The following SORCS2 variants were observed in gnomAD, a reference collection of about 807,000 sequenced individuals.
SORCS2 encodes the protein sortilin related VPS10 domain containing receptor 2, also known as VPS10 domain-containing receptor SorCS2.
In SORCS2, 100 loss-of-function variants were observed where a neutral mutation model predicts 141.6. The ratio of observed to expected loss-of-function variants is 0.71; its 90% CI spans 0.60 to 0.83. SORCS2 has a LOEUF of 0.83. SORCS2 is among the 40% of genes least tolerant of loss of function. The probability of loss-of-function intolerance (pLI) is 0.00; values close to 1 mark genes in which losing one functional copy is unlikely to be tolerated. For synonymous variants in SORCS2, 789 were observed against 676.9 expected (o/e 1.17, Z -2.57); for missense variants, 1,646 against 1,560.2 (o/e 1.05, Z -0.93).
In SORCS2 at chr4:7,515,686, C is replaced by A. The variant is rs542576354; in HGVS notation, c.549-15844C>A. On this transcript the variant is annotated intron_variant, in intron 2 of 26. Transcript: ENST00000507866. ...TTGCTTTTCTCTCCAGCAGCATTCA[C>A]GGACCAGTTTCTGCTGCATGCAAGG... Among the ~76,000 whole-genome samples, 67 of 152,242 alleles carry A rather than the reference C, an allele frequency of 4.4e-4. No homozygotes were observed. The South Asian group carries it at 9.5e-3, about 22-fold the overall frequency.
intron 2 of SORCS2, among the ~76,000 whole-genome samples, chr4:7,467,520 C>T (rs1729692308): frequency 6.6e-6 from 1 of 152,194 alleles, no homozygotes; most frequent in African/African-American, 2.4e-5. Flanking sequence ...AGTCAGAGGG[C>T]AGCTGGGCTG....
chr4:7,691,090 C>T (rs557604287), intron 11 of SORCS2, among the ~76,000 whole-genome samples: 44 of 152,306 alleles, frequency 2.9e-4, no homozygotes, highest in Non-Finnish European at 5.9e-4. Context: ...AGGCACAGGC[C>T]CAGAGTTCAC....
At chr4:7,378,585 G>A (rs574588374) in intron 1 of SORCS2, among the ~76,000 whole-genome samples, 82 of 152,254 alleles carry the variant, frequency 5.4e-4, no homozygotes, top group African/African-American at 1.6e-3. Flanking sequence ...ATCCACCCCC[G>A]TGATTCAATT....
chr4:7,521,445 T>C (rs1217842583), intron 2 of SORCS2, among the ~76,000 whole-genome samples: 3 of 152,190 alleles, frequency 2.0e-5, no homozygotes, highest in African/African-American at 7.2e-5. Flanking sequence ...TTCTGGAATT[T>C]TATTGAACAA....
chr4:7,327,745 C>G (rs1470617334), intron 1 of SORCS2, among the ~76,000 whole-genome samples: 1 of 152,232 alleles, frequency 6.6e-6, no homozygotes, highest in Non-Finnish European at 1.5e-5. Flanking sequence ...CTCTCTGTGG[C>G]TTCCCCAAGA....
chr4:7,350,128 G>A (rs892761594), intron 1 of SORCS2, among the ~76,000 whole-genome samples: 2 of 152,190 alleles, frequency 1.3e-5, no homozygotes, highest in Non-Finnish European at 2.9e-5. Context: ...TGTTGTAAAT[G>A]GACACGACTC....
At position 7,343,363 on chromosome 4, in the gene SORCS2, A is replaced by C. The variant is rs140020766; in HGVS notation, c.481-52925A>C. Among the ~76,000 whole-genome samples, 131 of 152,314 alleles carry C rather than the reference A, an allele frequency of 8.6e-4. 1 individual carries two copies. The East Asian group carries it at 0.023, about 26-fold the overall frequency. On this transcript the variant is annotated intron_variant, in intron 1 of 26. Transcript: ENST00000507866. ...CCTGACCACTCGCTCAGTGAGTGAC[A>C]CCGGGCAAAGCCGATGACATGTCTG... is the stretch of plus-strand genomic sequence containing the variant.
At chr4:7,649,265 A>C (rs1721279223) in intron 4 of SORCS2, among the ~76,000 whole-genome samples, 1 of 146,982 alleles carries the variant, frequency 6.8e-6, no homozygotes, top group Non-Finnish European at 1.5e-5. Context: ...TTAGTGCCAC[A>C]TGTGTGAGTG....
intron 3 of SORCS2, among the ~76,000 whole-genome samples, chr4:7,612,382 C>T (rs1241412438): frequency 1.3e-5 from 2 of 152,184 alleles, no homozygotes; most frequent in African/African-American, 2.4e-5. Flanking sequence ...GGCACCCTGC[C>T]GTGCCCTCCG....
intron 1 of SORCS2, among the ~76,000 whole-genome samples, chr4:7,275,056 T>C (rs1364344733): frequency 6.6e-6 from 1 of 152,252 alleles, no homozygotes; most frequent in Admixed American, 6.5e-5. Flanking sequence ...TTGCCTTTTC[T>C]GTTAATGATT....
intron 3 of SORCS2, among the ~76,000 whole-genome samples, chr4:7,608,269 C>T (rs1306735557): frequency 6.6e-6 from 1 of 152,190 alleles, no homozygotes; most frequent in Non-Finnish European, 1.5e-5. Flanking sequence ...TGATAAGGTT[C>T]AATTGCCACT....
chr4:7,506,009 G>A (rs1181358026), intron 2 of SORCS2, among the ~76,000 whole-genome samples: 2 of 152,116 alleles, frequency 1.3e-5, no homozygotes, highest in East Asian at 1.9e-4. Context: ...CAGGGGGAAC[G>A]CATAGCCGTG....
At chr4:7,525,983 A>AGT (rs1472719410) in intron 2 of SORCS2, among the ~76,000 whole-genome samples, 8 of 91,596 alleles carry the variant, frequency 8.7e-5, no homozygotes, top group East Asian at 3.2e-4. Flanking sequence ...TCCCCTCCTC[A>AGT]CACCTGTCCC....
intron 5 of SORCS2, among the ~76,000 whole-genome samples, chr4:7,657,425 C>T (rs939969421): frequency 6.0e-5 from 9 of 150,800 alleles, no homozygotes; most frequent in Admixed American, 4.0e-4. Context: ...AGGGAATGAA[C>T]GAGTGAATGA....
chr4:7,345,746 A>G (rs1027903486), intron 1 of SORCS2, among the ~76,000 whole-genome samples: 2 of 152,176 alleles, frequency 1.3e-5, no homozygotes, highest in Non-Finnish European at 2.9e-5. Context: ...GCGAAGCTCA[A>G]AAGATCTTTG....
intron 2 of SORCS2, among the ~76,000 whole-genome samples, chr4:7,494,355 T>G (rs1355584717): frequency 2.0e-5 from 3 of 152,200 alleles, no homozygotes; most frequent in Non-Finnish European, 4.4e-5. Flanking sequence ...GCTTAGTCCA[T>G]GTGAGCTGCT....
intron 2 of SORCS2, among the ~76,000 whole-genome samples, chr4:7,447,810 C>T (rs1728095705): frequency 1.3e-5 from 2 of 152,132 alleles, no homozygotes; most frequent in Non-Finnish European, 2.9e-5. Context: ...GCCTGTGCAT[C>T]CCAGGATGTC....
At chr4:7,603,924 AG>A (rs1257011320) in intron 3 of SORCS2, among the ~76,000 whole-genome samples, 1 of 152,162 alleles carries the variant, frequency 6.6e-6, no homozygotes, top group Non-Finnish European at 1.5e-5. Flanking sequence ...CATCTTTGGG[AG>A]ATATTTTTAG....
In SORCS2 at chr4:7,286,841, A is replaced by G. The variant is rs1560165382; in HGVS notation, c.480+93715A>G. ...ACCTGGGTGCTGCTTTTCAGGGTAC[A>G]GGAGCTATGGAAGGTCCCAAGAGGA... On this transcript the variant is annotated intron_variant, in intron 1 of 26. Transcript: ENST00000507866. This position sits in a 1 kb window ranked among gnomAD's most constrained non-coding sequence, Gnocchi z 4.1. Among the ~76,000 whole-genome samples, 1 of 152,228 alleles carries G rather than the reference A, an allele frequency of 6.6e-6. No homozygotes were observed. Among genetic ancestry groups the G allele is most frequent in the Non-Finnish European group, 1.5e-5 (1 of 68,046 alleles).
Sources: allele counts gnomAD v4.1 joint callset (sites outside exome capture counted in the v4.1 genomes callset), GRCh38; gene constraint gnomAD v4.1.1; non-coding constraint Gnocchi (gnomAD v3.1); transcripts MANE v1.5; gene names NCBI Gene and HGNC (gene_info 2026-07-23, HGNC 2026-07-21).